Variants in INO80 observed in about 807,000 individuals in gnomAD.
INO80 encodes the protein chromatin-remodeling ATPase INO80.
A neutral mutation model predicts 203.4 loss-of-function variants in INO80; 20 were observed. The ratio of observed to expected loss-of-function variants is 0.10; its 90% confidence interval spans 0.07 to 0.14. The LOEUF (loss-of-function observed/expected upper bound fraction) is 0.14, where lower values mean the gene tolerates loss of function less well. Among genes scored for constraint, INO80 ranks in the 10% least tolerant of loss-of-function variants. The pLI is 1.00. For missense variants in INO80, 1,419 were observed against 1,914.4 expected (o/e 0.74, Z 4.83); for synonymous variants, 726 against 685.2 (o/e 1.06, Z -0.93).
chr15:41,029,748 A>G (rs1333758197), intron 24 of INO80, among the ~76,000 whole-genome samples: 1 of 152,230 alleles, frequency 6.6e-6, no homozygotes, highest in African/African-American at 2.4e-5. Flanking sequence ...AAAGATTAGC[A>G]GGCTAGGTGT....
intron 7 of INO80, 78 bp downstream of exon 7, chr15:41,085,291 A>G: frequency 1.6e-6 from 2 of 1,213,524 alleles, no homozygotes; most frequent in Admixed American, 3.7e-5. Context: ...GAAAGTATCT[A>G]GCTCTCAGAG....
intron 14 of INO80, among the ~76,000 whole-genome samples, chr15:41,063,475 C>T (rs1024872311): frequency 6.6e-6 from 1 of 151,834 alleles, no homozygotes; most frequent in African/African-American, 2.4e-5. Context: ...CAACAAGAGG[C>T]AAGAAATACA....
intron 1 of INO80, among the ~76,000 whole-genome samples, chr15:41,109,344 C>T (rs2140709097): frequency 6.6e-6 from 1 of 151,560 alleles, no homozygotes; most frequent in South Asian, 2.1e-4. Flanking sequence ...ATTCCAGCTA[C>T]TGGGGAGGCT....
intron 24 of INO80, among the ~76,000 whole-genome samples, chr15:41,035,696 C>G (rs568794043): frequency 2.0e-5 from 3 of 150,766 alleles, no homozygotes; most frequent in East Asian, 3.9e-4. Flanking sequence ...GTGGCGGGCA[C>G]CTGTAGGCCC....
chr15:41,009,557 T>C (rs1370652859), intron 27 of INO80, among the ~76,000 whole-genome samples: 1 of 151,968 alleles, frequency 6.6e-6, no homozygotes, highest in Non-Finnish European at 1.5e-5. Flanking sequence ...ACAAAGGACA[T>C]GAACTCATCA....
intron 26 of INO80, among the ~76,000 whole-genome samples, chr15:41,019,742 C>T (rs907143029): frequency 2.0e-5 from 3 of 152,158 alleles, no homozygotes; most frequent in African/African-American, 7.2e-5. Context: ...CCTTCAGATA[C>T]GCAGAAAGAC....
At chr15:41,016,836 G>A (rs1192544272) in intron 26 of INO80, 2 of 152,198 alleles carry the variant, frequency 1.3e-5, no homozygotes, top group East Asian at 3.9e-4. Context: ...TGGACTACAA[G>A]TGAGCTATCA....
intron 28 of INO80, among the ~76,000 whole-genome samples, chr15:41,002,298 T>C (rs1566906113): frequency 6.6e-6 from 1 of 152,196 alleles, no homozygotes; most frequent in Non-Finnish European, 1.5e-5. Context: ...CAAGTAAAAT[T>C]TAATGGTGAA....
intron 22 of INO80, 100 bp downstream of exon 22, chr15:41,048,112 G>A: frequency 2.3e-6 from 2 of 858,448 alleles, no homozygotes; most frequent in Admixed American, 2.3e-5. Context: ...CTACCATATA[G>A]GCAAAACTAA....
chr15:41,095,800 C>T lies in INO80; in HGVS notation c.272G>A (p.Gly91Glu), dbSNP rs769536820. The change falls in exon 3 of 36, where the codon GGA (glycine) becomes GAA (glutamate). Residue 91 changes from glycine to glutamate, a missense_variant. This residue lies in a region of INO80 where 323 missense variants were observed against 325.4 expected (regional missense o/e 0.99). Coordinates refer to ENST00000648947, the MANE Select transcript of INO80 (RefSeq NM_017553.3). The stretch of plus-strand genomic sequence containing the variant: ...ATTCAGAGAATATGTGTTTAACATT[C>T]CAGAACTGCCTGCTCCAGAAGTTTC... ...LGETSGAGSS[G>E]MLNTYSLNGV... 3.1e-6 allele frequency: 5 copies of T among 1,614,158 alleles called. No individual in the cohort carries two copies. The East Asian group carries it at 1.1e-4, about 36-fold the overall frequency.
intron 10 of INO80, among the ~76,000 whole-genome samples, chr15:41,074,003 C>T (rs2140603913): frequency 6.6e-6 from 1 of 152,226 alleles, no homozygotes; most frequent in South Asian, 2.1e-4. Flanking sequence ...GACAACTGAA[C>T]AGCTGCTTTC....
chr15:41,087,607 G>A lies in INO80; in HGVS notation c.613C>T (p.Leu205Phe). The change falls in exon 6 of 36, where the codon CTT becomes TTT. Residue 205 changes from leucine (L) to phenylalanine (F), a missense_variant. By Grantham distance (22) the Leu-to-Phe change is conservative (BLOSUM62 0). This residue lies in a region of INO80 where 323 missense variants were observed against 325.4 expected (regional missense o/e 0.99). Coordinates refer to ENST00000648947, the MANE Select transcript of INO80 (RefSeq NM_017553.3). ...DPFYEQQRHL[L>F]GPKKKKFKEE... is the part of the protein sequence containing the mutation. ...TTAAATTTCTTTTTCTTGGGTCCAAGTAGGTGCCGTTGTTGCTCATAGAAA... is the reference window on the plus strand; with the variant it reads ...TTAAATTTCTTTTTCTTGGGTCCAAATAGGTGCCGTTGTTGCTCATAGAAA... 1 of 1,613,906 alleles carries A rather than the reference G, an allele frequency of 6.2e-7. No homozygotes were observed. The highest frequency in any genetic ancestry group is 8.5e-7 in the Non-Finnish European group (1 of 1,179,978).
intron 27 of INO80, among the ~76,000 whole-genome samples, chr15:41,007,640 C>G (rs1021244429): frequency 1.3e-5 from 2 of 151,830 alleles, no homozygotes; most frequent in African/African-American, 4.8e-5. Context: ...TTATAGAGAG[C>G]CTGTTACTGA....
At position 41,072,118 on chromosome 15, in the gene INO80, A is replaced by G; in HGVS notation, c.1396-60T>C. On this transcript the variant is annotated intron_variant, in intron 11 of 35. Transcript: ENST00000648947. ...AAAAAGAGGAAAAATATTACATGAA[A>G]ATAAGACTCAAGATAACAATATATC... is the stretch of plus-strand genomic sequence containing the variant. 6.1e-6 allele frequency: 7 copies of G among 1,154,504 alleles called. No individual in the cohort carries two copies. The East Asian group carries it at 1.5e-4, about 25-fold the overall frequency. 71.5% of individuals were successfully genotyped at this position (1,154,504 alleles called of 1,614,324 possible).
rs186064256 is a variant in INO80, at chr15:40,992,850, C to T, written c.3570+4679G>A. Among the ~76,000 whole-genome samples the T allele has an allele frequency of 7.2e-5, 11 of 152,228 alleles. No individual in the cohort carries two copies. In the East Asian group the frequency reaches 1.5e-3, roughly 21 times the overall value. ...CTGTGTTGCCCATGTTGGAGTGCAG[C>T]GGCACAATCACAGCTCACTGCAGTC... On this transcript the variant is annotated intron_variant, in intron 29 of 35. Coordinates refer to ENST00000648947, the MANE Select transcript of INO80 (RefSeq NM_017553.3).
At chr15:41,075,223 A>G (rs1347265347) in intron 9 of INO80, among the ~76,000 whole-genome samples, 1 of 151,968 alleles carries the variant, frequency 6.6e-6, no homozygotes, top group African/African-American at 2.4e-5. Flanking sequence ...TGGTGGATAC[A>G]TGTCTATGTA....
Position 40,980,343 on chromosome 15 carries a change from A to C in INO80, c.4551T>G (p.Pro1517=). The C allele has an allele frequency of 6.2e-7, 1 of 1,614,056 alleles. No homozygotes were observed. Among genetic ancestry groups the C allele is most frequent in the Non-Finnish European group, 8.5e-7 (1 of 1,180,020 alleles). Residue 1517 remains proline (P), a synonymous_variant, in exon 36 of 36, where the codon CCT becomes CCG. Coordinates refer to ENST00000648947, the MANE Select transcript of INO80 (RefSeq NM_017553.3). ...CAGGAACATTATTTCCCTTGCTCAAAGGGGAACTCAAAGGAGAAGAGGCGC... is the reference window on the plus strand; with the variant it reads ...CAGGAACATTATTTCCCTTGCTCAACGGGGAACTCAAAGGAGAAGAGGCGC... ...PSSASSPLSS[P]LSKGNNVPGN... is the part of the protein sequence containing the mutation.
chr15:40,984,709 G>A (rs1247950991), intron 32 of INO80, among the ~76,000 whole-genome samples: 3 of 152,016 alleles, frequency 2.0e-5, no homozygotes, highest in Non-Finnish European at 2.9e-5. Context: ...CTGAACCAGA[G>A]CCACACCAAC....
intron 5 of INO80, among the ~76,000 whole-genome samples, chr15:41,090,993 C>G (rs182707496): frequency 2.8e-4 from 42 of 148,980 alleles, no homozygotes; most frequent in African/African-American, 1.1e-3. Context: ...GGCTCAATCT[C>G]GGCTCACTGC....
Sources: gnomAD v4.1 joint callset for allele counts (sites outside exome capture counted in the v4.1 genomes callset) on GRCh38, gnomAD v4.1.1 for gene constraint, gnomAD v4.1.1 regional missense constraint, MANE v1.5 for transcripts, NCBI Gene and HGNC (gene_info 2026-07-23, HGNC 2026-07-21) for gene names.